Variants in PIK3CB observed in about 807,000 individuals in gnomAD.
PIK3CB encodes the protein phosphatidylinositol 4,5-bisphosphate 3-kinase catalytic subunit beta isoform.
PIK3CB carries 39 observed loss-of-function variants against 136.8 expected under a neutral mutation model. The ratio of observed to expected loss-of-function variants is 0.29; its 90% CI spans 0.22 to 0.37. The LOEUF (loss-of-function observed/expected upper bound fraction) is 0.37, where lower values mean the gene tolerates loss of function less well. Among genes scored for constraint, PIK3CB ranks in the 10% least tolerant of loss-of-function variants. The pLI is 1.00. For synonymous variants in PIK3CB, 428 were observed against 436.6 expected (o/e 0.98, Z 0.25); for missense variants, 868 against 1,275.4 (o/e 0.68, Z 4.87).
chr3:138,789,646 G>GAC (rs1378866077), intron 2 of PIK3CB, among the ~76,000 whole-genome samples: 1 of 150,256 alleles, frequency 6.7e-6, no homozygotes, highest in Non-Finnish European at 1.5e-5. Flanking sequence ...CAGATACATA[G>GAC]ACAAAAAAAA....
intron 4 of PIK3CB, among the ~76,000 whole-genome samples, chr3:138,748,328 T>C (rs959323839): frequency 1.3e-5 from 2 of 152,054 alleles, no homozygotes; most frequent in Non-Finnish European, 2.9e-5. Context: ...CACCTCCAGC[T>C]CCCTGCTGCC....
intron 19 of PIK3CB, 59 bp from the exon 20 acceptor site, chr3:138,665,262 G>C: frequency 7.7e-7 from 1 of 1,291,058 alleles, no homozygotes; most frequent in Non-Finnish European, 1.0e-6. Context: ...CATTAATTTG[G>C]TAAGATTTTC....
intron 2 of PIK3CB, among the ~76,000 whole-genome samples, chr3:138,776,843 AGCCT>A (rs1413795489): frequency 2.0e-5 from 3 of 146,838 alleles, no homozygotes; most frequent in Non-Finnish European, 4.5e-5. Context: ...GGATCACTTG[AGCCT>A]GGGAAGCGGA....
At chr3:138,705,203 T>TAAAAA (rs2044355047) in intron 11 of PIK3CB, among the ~76,000 whole-genome samples, 1 of 88,608 alleles carries the variant, frequency 1.1e-5, no homozygotes, top group Non-Finnish European at 2.5e-5. Context: ...AAAAAAAAAC[T>TAAAAA]TATATTTGCA....
chr3:138,693,443 G>C (rs1197341135), intron 14 of PIK3CB, among the ~76,000 whole-genome samples: 1 of 152,036 alleles, frequency 6.6e-6, no homozygotes, highest in Non-Finnish European at 1.5e-5. Flanking sequence ...CTGTCAACCA[G>C]GCTGGAGTGC....
intron 2 of PIK3CB, among the ~76,000 whole-genome samples, chr3:138,785,940 G>T (rs2045977833): frequency 6.6e-6 from 1 of 151,504 alleles, no homozygotes; most frequent in Admixed American, 6.6e-5. Context: ...TACATTAATA[G>T]ATCAATAAAT....
At chr3:138,661,710 C>G (rs2043298735) in intron 21 of PIK3CB, among the ~76,000 whole-genome samples, 1 of 152,202 alleles carries the variant, frequency 6.6e-6, no homozygotes. Flanking sequence ...CATCAACTCT[C>G]AAAGCCCAAG....
intron 1 of PIK3CB, among the ~76,000 whole-genome samples, chr3:138,823,850 CAAGTA>C (rs1367861271): frequency 6.6e-6 from 1 of 152,102 alleles, no homozygotes; most frequent in Admixed American, 6.6e-5. Flanking sequence ...TTCATTTAAG[CAAGTA>C]AAGTACAAAT....
At chr3:138,772,783 CTT>C (rs776881626) in intron 2 of PIK3CB, among the ~76,000 whole-genome samples, 5 of 112,194 alleles carry the variant, frequency 4.5e-5, no homozygotes, top group African/African-American at 7.2e-5. Flanking sequence ...TATTTATTCT[CTT>C]TTTTTTTTTT....
chr3:138,679,436 C>T (rs2043717015), intron 19 of PIK3CB, among the ~76,000 whole-genome samples: 1 of 152,030 alleles, frequency 6.6e-6, no homozygotes, highest in African/African-American at 2.4e-5. Context: ...ATTAGGATTA[C>T]AAGCAAGAGC....
At chr3:138,688,833 T>C (rs1460492181) in intron 16 of PIK3CB, 42 bp downstream of exon 16, 2 of 1,229,426 alleles carry the variant, frequency 1.6e-6, no homozygotes, top group Non-Finnish European at 2.4e-6. Context: ...AAACGTTGTC[T>C]GTCAAAAAAA....
chr3:138,721,284 T>C (rs2044721577), intron 8 of PIK3CB, among the ~76,000 whole-genome samples: 1 of 152,136 alleles, frequency 6.6e-6, no homozygotes, highest in African/African-American at 2.4e-5. Flanking sequence ...TGCCTCAGCC[T>C]CCCGAGTAGC....
At chr3:138,710,880 C>G (rs573446243) in intron 10 of PIK3CB, among the ~76,000 whole-genome samples, 1 of 151,458 alleles carries the variant, frequency 6.6e-6, no homozygotes, top group East Asian at 2.0e-4. Flanking sequence ...GTCAGGAGAT[C>G]GAGACGATCC....
intron 1 of PIK3CB, among the ~76,000 whole-genome samples, chr3:138,833,054 G>A (rs1934110824): frequency 6.6e-6 from 1 of 150,884 alleles, no homozygotes; most frequent in Non-Finnish European, 1.5e-5. Context: ...AGCAAGATTC[G>A]GTCTCAAAAA....
intron 19 of PIK3CB, among the ~76,000 whole-genome samples, chr3:138,666,808 A>G (rs2043419511): frequency 6.6e-6 from 1 of 152,062 alleles, no homozygotes; most frequent in African/African-American, 2.4e-5. Flanking sequence ...CAAACAAGAA[A>G]ACCAGAGCAG....
At chr3:138,692,196 G>A (rs919796741) in intron 14 of PIK3CB, among the ~76,000 whole-genome samples, 12 of 152,122 alleles carry the variant, frequency 7.9e-5, no homozygotes, top group African/African-American at 2.7e-4. Context: ...TGCCCCAAGT[G>A]CTCCACTTAC....
chr3:138,772,718 C>T (rs972981084), intron 2 of PIK3CB, among the ~76,000 whole-genome samples: 17 of 151,422 alleles, frequency 1.1e-4, no homozygotes, highest in African/African-American at 4.1e-4. Flanking sequence ...AAGCAATCCT[C>T]CTACCTCGGT....
At chr3:138,792,160 A>C (rs1458220227) in intron 2 of PIK3CB, among the ~76,000 whole-genome samples, 1 of 152,012 alleles carries the variant, frequency 6.6e-6, no homozygotes, top group East Asian at 1.9e-4. Flanking sequence ...GCGCCATTGC[A>C]CTCCAGCCTG....
At chr3:138,728,365 T>C (rs752477526) in intron 8 of PIK3CB, among the ~76,000 whole-genome samples, 27 of 152,162 alleles carry the variant, frequency 1.8e-4, no homozygotes, top group Non-Finnish European at 3.5e-4. Context: ...CTTATGAGCA[T>C]AGACCATAAA....
Sources: allele counts gnomAD v4.1 joint callset (sites outside exome capture counted in the v4.1 genomes callset), GRCh38; gene constraint gnomAD v4.1.1; transcripts MANE v1.5; gene names NCBI Gene and HGNC (gene_info 2026-07-23, HGNC 2026-07-21).